The following DENND1A variants were observed in gnomAD, a reference collection of about 807,000 sequenced individuals.
DENND1A encodes the protein DENN domain containing 1A, also known as DENN domain-containing protein 1A.
Under a neutral mutation model 113.7 loss-of-function variants are expected in DENND1A, and 51 were observed. The observed-to-expected ratio is 0.45, with a 90% CI of 0.36 to 0.57. The LOEUF (loss-of-function observed/expected upper bound fraction) is 0.57. Ranked by LOEUF, DENND1A falls within the 20% of genes least tolerant of loss-of-function variation. DENND1A has a pLI of 0.00. For missense variants in DENND1A, 1,258 were observed against 1,395.9 expected (o/e 0.90, Z 1.57); for synonymous variants, 565 against 570.8 (o/e 0.99, Z 0.14).
chr9:123,562,559 T>A (rs754876835), intron 12 of DENND1A, among the ~76,000 whole-genome samples: 4 of 152,062 alleles, frequency 2.6e-5, no homozygotes, highest in Non-Finnish European at 5.9e-5. Context: ...AAATTATATA[T>A]AAATATATAT....
chr9:123,572,584 T>C (rs1266189547), intron 12 of DENND1A, among the ~76,000 whole-genome samples: 2 of 152,226 alleles, frequency 1.3e-5, no homozygotes, highest in Non-Finnish European at 2.9e-5. Flanking sequence ...ATGCGGAGTA[T>C]CTTTTCATGT....
intron 2 of DENND1A, among the ~76,000 whole-genome samples, chr9:123,841,429 G>A (rs1174388415): frequency 6.6e-6 from 1 of 152,072 alleles, no homozygotes; most frequent in Non-Finnish European, 1.5e-5. Context: ...CTAATTTTCA[G>A]TGTTTGTTCA....
At chr9:123,589,064 C>T (rs2059336571) in intron 11 of DENND1A, among the ~76,000 whole-genome samples, 3 of 152,064 alleles carry the variant, frequency 2.0e-5, no homozygotes, top group Admixed American at 2.0e-4. Context: ...CTGCGTTTGG[C>T]CAGTTGAAAT....
chr9:123,866,354 G>C (rs760969354), intron 2 of DENND1A, among the ~76,000 whole-genome samples: 3 of 152,110 alleles, frequency 2.0e-5, no homozygotes, highest in Non-Finnish European at 4.4e-5. Flanking sequence ...ATAAGTGGAA[G>C]AAAAAAATAT....
At chr9:123,749,531 A>G (rs1045232889) in intron 5 of DENND1A, among the ~76,000 whole-genome samples, 1 of 152,160 alleles carries the variant, frequency 6.6e-6, no homozygotes, top group Non-Finnish European at 1.5e-5. Context: ...TATCTCTACA[A>G]TGGAGATAAT....
intron 9 of DENND1A, among the ~76,000 whole-genome samples, chr9:123,635,989 G>C (rs949072505): frequency 6.6e-6 from 1 of 152,162 alleles, no homozygotes; most frequent in Admixed American, 6.5e-5. Flanking sequence ...CACAATTCTA[G>C]AGGAATTGCT....
chr9:123,700,733 C>T (rs1337463788), intron 5 of DENND1A, among the ~76,000 whole-genome samples: 1 of 152,162 alleles, frequency 6.6e-6, no homozygotes, highest in Admixed American at 6.5e-5. Context: ...ACAGTACCAT[C>T]TATACTAGTG....
intron 3 of DENND1A, among the ~76,000 whole-genome samples, chr9:123,782,298 A>C (rs1019629390): frequency 1.3e-5 from 2 of 152,150 alleles, no homozygotes; most frequent in African/African-American, 2.4e-5. Context: ...TATACCGCTA[A>C]AACTAGATAC....
intron 11 of DENND1A, among the ~76,000 whole-genome samples, chr9:123,597,299 G>A (rs1215514580): frequency 6.6e-6 from 1 of 152,160 alleles, no homozygotes; most frequent in East Asian, 1.9e-4. Context: ...TAATCAGAGT[G>A]AACTTATCTT....
At chr9:123,429,508 T>C (rs554850218) in intron 19 of DENND1A, among the ~76,000 whole-genome samples, 2 of 152,106 alleles carry the variant, frequency 1.3e-5, no homozygotes, top group Non-Finnish European at 2.9e-5. Context: ...TGAGCCGAGA[T>C]TGCATCACTG....
intron 5 of DENND1A, among the ~76,000 whole-genome samples, chr9:123,723,854 T>A (rs1172714721): frequency 6.6e-6 from 1 of 152,198 alleles, no homozygotes; most frequent in East Asian, 1.9e-4. Flanking sequence ...CCTTATCACA[T>A]CAAGGTTTTT....
At chr9:123,458,152 C>G (rs1324390266) in intron 13 of DENND1A, among the ~76,000 whole-genome samples, 4 of 151,982 alleles carry the variant, frequency 2.6e-5, no homozygotes, top group African/African-American at 4.8e-5. Context: ...AGCTGCCCCC[C>G]ACCACAAGTG....
At chr9:123,734,566 C>T (rs376396705) in intron 5 of DENND1A, among the ~76,000 whole-genome samples, 5 of 152,056 alleles carry the variant, frequency 3.3e-5, no homozygotes, top group Admixed American at 1.3e-4. Flanking sequence ...GGGGGCAAGA[C>T]AAAAGAATGG....
chr9:123,417,733 G>A (rs997852562), intron 19 of DENND1A, among the ~76,000 whole-genome samples: 1 of 152,142 alleles, frequency 6.6e-6, no homozygotes, highest in Non-Finnish European at 1.5e-5. Context: ...GCATCTTTTT[G>A]TGGTGCTTTC....
chr9:123,516,875 A>G, intron 13 of DENND1A, among the ~76,000 whole-genome samples: 1 of 110,004 alleles, frequency 9.1e-6, no homozygotes. Flanking sequence ...ACAGAGTGAG[A>G]CTCTGTCTCA....
intron 1 of DENND1A, among the ~76,000 whole-genome samples, chr9:123,889,118 A>T (rs1849540512): frequency 6.6e-6 from 1 of 152,036 alleles, no homozygotes; most frequent in African/African-American, 2.4e-5. Flanking sequence ...CCTTCCTTTT[A>T]CCAAGACTTT....
At chr9:123,916,723 G>C (rs1042745047) in intron 1 of DENND1A, among the ~76,000 whole-genome samples, 1 of 152,046 alleles carries the variant, frequency 6.6e-6, no homozygotes, top group Non-Finnish European at 1.5e-5. Flanking sequence ...ATCAAACTCG[G>C]TACCTATGTC....
intron 1 of DENND1A, among the ~76,000 whole-genome samples, chr9:123,927,549 C>G (rs1857324555): frequency 6.6e-6 from 1 of 152,154 alleles, no homozygotes; most frequent in African/African-American, 2.4e-5. Flanking sequence ...TCATAATAAC[C>G]CTACAACCTG....
chr9:123,777,621 C>T (rs561251411), intron 3 of DENND1A, among the ~76,000 whole-genome samples: 1 of 152,306 alleles, frequency 6.6e-6, no homozygotes, highest in South Asian at 2.1e-4. Context: ...GTTAACAAGG[C>T]ATATTAATCA....
Sources: allele counts gnomAD v4.1 joint callset (sites outside exome capture counted in the v4.1 genomes callset), GRCh38; gene constraint gnomAD v4.1.1; transcripts MANE v1.5; gene names NCBI Gene and HGNC (gene_info 2026-07-23, HGNC 2026-07-21).